Variants in SPTBN1 observed in about 807,000 individuals in gnomAD.
The protein encoded by SPTBN1 is spectrin beta chain, non-erythrocytic 1.
In SPTBN1, 32 loss-of-function variants were observed where a neutral mutation model predicts 266.4. The observed-to-expected ratio is 0.12, with a 90% CI of 0.09 to 0.16. The LOEUF (loss-of-function observed/expected upper bound fraction) is 0.16, where lower values mean the gene tolerates loss of function less well. Among genes scored for constraint, SPTBN1 ranks in the 10% least tolerant of loss-of-function variants. The probability of loss-of-function intolerance (pLI) is 1.00; values close to 1 mark genes in which losing one functional copy is unlikely to be tolerated. For missense variants in SPTBN1, 2,296 were observed against 3,067.1 expected (o/e 0.75, Z 5.94); for synonymous variants, 1,336 against 1,162.2 (o/e 1.15, Z -3.04).
intron 1 of SPTBN1, among the ~76,000 whole-genome samples, chr2:54,463,716 C>T (rs1693486670): frequency 6.6e-6 from 1 of 152,142 alleles, no homozygotes; most frequent in African/African-American, 2.4e-5. Context: ...ATTATGCTTT[C>T]TTTCAAATAA....
chr2:54,664,848 A>G lies in SPTBN1; in HGVS notation c.6659+157A>G. 1 of 741,640 alleles carries G rather than the reference A, an allele frequency of 1.3e-6. No homozygotes were observed. The highest frequency in any genetic ancestry group is 2.9e-5 in the Admixed American group (1 of 34,704). 45.9% of individuals were successfully genotyped at this position (741,640 alleles called of 1,614,324 possible). A position where few individuals can be genotyped will look rare whatever the true frequency, so the allele number is the denominator to read the frequency against. Reference sequence around the variant, plus strand: ...CATTCTTCTTGGGCTGACGCTGGAAAGCAGGAGTAGAATGCTGGTTATTCA... The same window carrying G: ...CATTCTTCTTGGGCTGACGCTGGAAGGCAGGAGTAGAATGCTGGTTATTCA... On this transcript the variant is annotated intron_variant, in intron 33 of 35. Coordinates refer to ENST00000356805, the MANE Select transcript of SPTBN1 (RefSeq NM_003128.3). This position sits in a 1 kb window ranked among gnomAD's most constrained non-coding sequence, Gnocchi z 5.6.
chr2:54,617,529 A>G (rs1677684597), intron 5 of SPTBN1, 79 bp from the exon 6 acceptor site: 2 of 1,359,592 alleles, frequency 1.5e-6, no homozygotes, highest in African/African-American at 1.4e-5. Context: ...CAGACTTTTT[A>G]TTAACAAAGC....
At chr2:54,493,103 T>G (rs1444249163) in intron 1 of SPTBN1, among the ~76,000 whole-genome samples, 1 of 150,588 alleles carries the variant, frequency 6.6e-6, no homozygotes, top group Admixed American at 6.7e-5. Flanking sequence ...CTTCCTGGGT[T>G]CAAGGGATTC....
chr2:54,474,308 T>C (rs1041299928), intron 1 of SPTBN1, among the ~76,000 whole-genome samples: 2 of 152,194 alleles, frequency 1.3e-5, no homozygotes, highest in Admixed American at 6.5e-5. Context: ...AAGTCCATCA[T>C]TGGTAAGTTA....
chr2:54,621,381 A>T lies in SPTBN1; in HGVS notation c.764-19A>T. ...CAGTAGCATGCAACACACTGAACAG[A>T]GTCTTCTCTGGGTTACAGACATCAG... is the stretch of plus-strand genomic sequence containing the variant. On this transcript the variant is annotated intron_variant, in intron 7 of 35. Transcript: ENST00000356805. 6.3e-7 allele frequency: 1 copy of T among 1,599,120 alleles called. No homozygotes were observed. Among genetic ancestry groups the T allele is most frequent in the Non-Finnish European group, 8.6e-7 (1 of 1,167,050 alleles).
intron 2 of SPTBN1, among the ~76,000 whole-genome samples, chr2:54,594,372 A>G (rs1226799241): frequency 6.6e-6 from 1 of 152,240 alleles, no homozygotes; most frequent in African/African-American, 2.4e-5. Flanking sequence ...AAGATGCAAT[A>G]TAGCAGCTGT....
intron 2 of SPTBN1, among the ~76,000 whole-genome samples, chr2:54,582,563 CAAAAAAAAA>C (rs1208471911): frequency 2.6e-5 from 2 of 76,480 alleles, no homozygotes; most frequent in African/African-American, 9.0e-5. Flanking sequence ...GACTCCGTCT[CAAAAAAAAA>C]AAAAAAAAGA....
At chr2:54,667,566 A>G (rs770991948) in intron 34 of SPTBN1, 38 bp from the exon 35 acceptor site, 1 of 1,600,762 alleles carries the variant, frequency 6.2e-7, no homozygotes, top group Non-Finnish European at 8.6e-7. Context: ...ATTTCTCTGT[A>G]ATTAAGTGGT....
chr2:54,645,345 C>G lies in SPTBN1; in HGVS notation c.4386C>G (p.Thr1462=). ...ACGAGGTAGACAGCAAGCGCCTCAC[C>G]GTGCAGACCAAGTTCATGGAGTTGC... ...STDEVDSKRL[T]VQTKFMELLE... Residue 1462 remains threonine (T), a synonymous_variant, in exon 21 of 36, where the codon ACC becomes ACG. Transcript: ENST00000356805. The surrounding 1 kb of genome is among the most constrained non-coding windows in gnomAD (Gnocchi z 4.3). 3 of 1,614,186 alleles carry G rather than the reference C, an allele frequency of 1.9e-6. No homozygotes were observed. Among genetic ancestry groups the G allele is most frequent in the Non-Finnish European group, 2.5e-6 (3 of 1,180,040 alleles).
At chr2:54,668,268 A>G (rs1681506848) in intron 35 of SPTBN1, 83 bp from the exon 36 acceptor site, 1 of 1,373,814 alleles carries the variant, frequency 7.3e-7, no homozygotes, top group Non-Finnish European at 1.0e-6. Context: ...AGTTGGCCAG[A>G]TGCGCCATTC....
rs747739613 is a variant in SPTBN1 at position 54,629,456 on chromosome 2, C to T, written c.2322C>T (p.His774=). ...LKIVSSSDVG[H]DEYSTQSLVK... Reference sequence around the variant, plus strand: ...TTGTCTCCAGCAGCGACGTGGGCCACGATGAGTATTCCACACAGTCTCTGG... The same window carrying T: ...TTGTCTCCAGCAGCGACGTGGGCCATGATGAGTATTCCACACAGTCTCTGG... The change falls in exon 14 of 36, where the codon CAC becomes CAT. Residue 774 remains histidine, a synonymous_variant. Coordinates refer to ENST00000356805, the MANE Select transcript of SPTBN1 (RefSeq NM_003128.3). 1.2e-5 allele frequency: 19 copies of T among 1,614,022 alleles called. No homozygotes were observed. Among genetic ancestry groups the T allele is most frequent in the Admixed American group, 1.7e-5 (1 of 60,018 alleles).
chr2:54,618,125 A>G lies in SPTBN1; in HGVS notation c.695A>G (p.Tyr232Cys). Residue 232 changes from tyrosine to cysteine, a missense_variant, in exon 7 of 36, where the codon TAC (tyrosine) becomes TGC (cysteine). By Grantham distance (194) the Tyr-to-Cys change is radical. Around this residue, in one of 12 missense-constraint regions of SPTBN1, gnomAD observed 178 missense variants for 375.7 expected, o/e 0.47. Transcript: ENST00000356805. ...FDKLKKSNAHYNLQNAFNLAE... is the reference protein window; with the variant it reads ...FDKLKKSNAHCNLQNAFNLAE... Reference sequence around the variant, plus strand: ...AAACTAAAGAAATCTAACGCACACTACAACCTGCAGAATGCATTTAATCTG... The same window carrying G: ...AAACTAAAGAAATCTAACGCACACTGCAACCTGCAGAATGCATTTAATCTG... 3.7e-6 allele frequency: 6 copies of G among 1,614,208 alleles called. No individual in the cohort carries two copies. The highest frequency in any genetic ancestry group is 4.2e-6 in the Non-Finnish European group (5 of 1,180,028).
chr2:54,484,205 A>G (rs752258472), intron 1 of SPTBN1, among the ~76,000 whole-genome samples: 1 of 152,096 alleles, frequency 6.6e-6, no homozygotes, highest in Non-Finnish European at 1.5e-5. Context: ...ACAAAACCAA[A>G]TATGTCTGTT....
Position 54,653,585 on chromosome 2 carries a change from C to T in SPTBN1, c.5578-24C>T. On this transcript the variant is annotated intron_variant, in intron 26 of 35. Transcript: ENST00000356805. The surrounding 1 kb of genome is among the most constrained non-coding windows in gnomAD (Gnocchi z 5.1). ...GGAAGGCCGCCATGGGCTGACCTGGCTCATCCCCTACATGGCTTCACAGGT... is the reference window on the plus strand; with the variant it reads ...GGAAGGCCGCCATGGGCTGACCTGGTTCATCCCCTACATGGCTTCACAGGT... 6.2e-7 allele frequency: 1 copy of T among 1,610,612 alleles called. No individual in the cohort carries two copies. Among genetic ancestry groups the T allele is most frequent in the Non-Finnish European group, 8.5e-7 (1 of 1,179,148 alleles).
intron 1 of SPTBN1, among the ~76,000 whole-genome samples, chr2:54,487,975 G>A (rs183153060): frequency 0.015 from 2,266 of 151,690 alleles, 60 homozygotes; most frequent in African/African-American, 0.052. Context: ...GACTATAGGC[G>A]CCTGCCACCA....
chr2:54,519,175 C>G (rs1364668285), intron 1 of SPTBN1, among the ~76,000 whole-genome samples: 1 of 152,178 alleles, frequency 6.6e-6, no homozygotes, highest in Non-Finnish European at 1.5e-5. Flanking sequence ...CCTCTGCCAC[C>G]TGTCCAGGCA....
rs180716991 is a variant in SPTBN1 at position 54,657,442 on chromosome 2, C to T, written c.6047-408C>T. Among the ~76,000 whole-genome samples the T allele has an allele frequency of 1.1e-4, 16 of 152,302 alleles. No individual in the cohort carries two copies. In the East Asian group the frequency reaches 1.9e-3, roughly 18 times the overall value. On this transcript the variant is annotated intron_variant, in intron 29 of 35. Transcript: ENST00000356805. ...GAGCAGTATGATAGCTGCTTTCCCA[C>T]GTGTGGCTCTTGAGAACTTGAAATG...
chr2:54,509,884 A>C (rs1179871110), intron 1 of SPTBN1, among the ~76,000 whole-genome samples: 1 of 149,724 alleles, frequency 6.7e-6, no homozygotes, highest in Non-Finnish European at 1.5e-5. Context: ...CTGTGTCCTC[A>C]CCTGGCCTTT....
Position 54,554,157 on chromosome 2 carries a change from C to G in SPTBN1, c.148+27591C>G, listed in dbSNP as rs1032433096. Among the ~76,000 whole-genome samples the G allele has an allele frequency of 6.6e-6, 1 of 152,142 alleles. No individual in the cohort carries two copies. The highest frequency in any genetic ancestry group is 2.4e-5 in the African/African-American group (1 of 41,426). On this transcript the variant is annotated intron_variant, in intron 2 of 35. Transcript: ENST00000356805. This position sits in a 1 kb window ranked among gnomAD's most constrained non-coding sequence, Gnocchi z 4.5. ...TTTAGGTTAATCTTGATACCACTTACTGAGTTCTGTGATTTTTCAGAAAAG... is the reference window on the plus strand; with the variant it reads ...TTTAGGTTAATCTTGATACCACTTAGTGAGTTCTGTGATTTTTCAGAAAAG...
Sources: allele counts gnomAD v4.1 joint callset (sites outside exome capture counted in the v4.1 genomes callset), GRCh38; gene constraint gnomAD v4.1.1; regional missense constraint gnomAD v4.1.1; non-coding constraint Gnocchi (gnomAD v3.1); transcripts MANE v1.5; gene names NCBI Gene and HGNC (gene_info 2026-07-23, HGNC 2026-07-21).